The following SYNE1 variants were observed in gnomAD, a reference collection of about 807,000 sequenced individuals.
The protein encoded by SYNE1 is nesprin-1.
Under a neutral mutation model 1,111.0 loss-of-function variants are expected in SYNE1, and 616 were observed. The observed-to-expected ratio is 0.55, with a 90% confidence interval of 0.52 to 0.59. The LOEUF (loss-of-function observed/expected upper bound fraction) is 0.59. Among genes scored for constraint, SYNE1 ranks in the 20% least tolerant of loss-of-function variants. The pLI is 0.00. For missense variants in SYNE1, 10,006 were observed against 10,417.0 expected (o/e 0.96, Z 1.72); for synonymous variants, 3,855 against 3,825.8 (o/e 1.01, Z -0.28).
intron 29 of SYNE1, among the ~76,000 whole-genome samples, chr6:152,446,108 ATT>A (rs11351100): frequency 0.015 from 1,969 of 129,466 alleles, 34 homozygotes; most frequent in African/African-American, 0.05. Flanking sequence ...AAGACAGTCA[ATT>A]TTTTTTTTTT....
chr6:152,548,790 T>A (rs1402506125), intron 3 of SYNE1, among the ~76,000 whole-genome samples: 1 of 152,196 alleles, frequency 6.6e-6, no homozygotes, highest in Non-Finnish European at 1.5e-5. Context: ...GTATGGTGAC[T>A]TTGTCCTTCC....
At chr6:152,186,556 CAAAAAAAAAAAAAAAAAAAAAAAAAA>C (rs59187571) in intron 128 of SYNE1, among the ~76,000 whole-genome samples, 6 of 38,030 alleles carry the variant, frequency 1.6e-4, no homozygotes, top group African/African-American at 4.3e-4. Flanking sequence ...AGCTCTGTGT[CAAAAAAAAAAAAAAAAAAAAAAAAAA>C]AAAAAAAAAA....
chr6:152,217,081 CA>C (rs1256622761), intron 121 of SYNE1, among the ~76,000 whole-genome samples: 2 of 130,116 alleles, frequency 1.5e-5, no homozygotes, highest in Non-Finnish European at 3.2e-5. Flanking sequence ...AAAAAATTCA[CA>C]ACTAAGTAAA....
intron 3 of SYNE1, among the ~76,000 whole-genome samples, chr6:152,595,599 G>A (rs1441961455): frequency 3.9e-5 from 6 of 152,214 alleles, no homozygotes; most frequent in African/African-American, 1.4e-4. Flanking sequence ...TAAAAATGTT[G>A]CCACTAGCTA....
intron 3 of SYNE1, among the ~76,000 whole-genome samples, chr6:152,549,598 G>A (rs2099330203): frequency 6.6e-6 from 1 of 152,148 alleles, no homozygotes; most frequent in African/African-American, 2.4e-5. Context: ...CAAAGAACAA[G>A]GGCAACCAAA....
At chr6:152,552,772 C>T (rs2099351758) in intron 3 of SYNE1, among the ~76,000 whole-genome samples, 1 of 152,168 alleles carries the variant, frequency 6.6e-6, no homozygotes, top group Non-Finnish European at 1.5e-5. Context: ...TAATCCTGCA[C>T]AGAGCACCAG....
chr6:152,235,417 A>G (rs1168739939), intron 110 of SYNE1, among the ~76,000 whole-genome samples: 1 of 152,184 alleles, frequency 6.6e-6, no homozygotes, highest in Non-Finnish European at 1.5e-5. Context: ...GCTGGAGTGC[A>G]ATGGCGCAAT....
chr6:152,618,143 A>C (rs534996854), intron 3 of SYNE1, among the ~76,000 whole-genome samples: 1 of 152,312 alleles, frequency 6.6e-6, no homozygotes, highest in African/African-American at 2.4e-5. Context: ...TTGAATTCCT[A>C]CGTTTCTGGA....
chr6:152,149,127 G>T (rs1475502492), intron 136 of SYNE1, among the ~76,000 whole-genome samples: 1 of 152,126 alleles, frequency 6.6e-6, no homozygotes, highest in Non-Finnish European at 1.5e-5. Context: ...GAGCAGTGCT[G>T]CCCCATGTTT....
chr6:152,339,872 C>T (rs2096493839), intron 74 of SYNE1, among the ~76,000 whole-genome samples: 1 of 152,164 alleles, frequency 6.6e-6, no homozygotes, highest in African/African-American at 2.4e-5. Context: ...AAAGGCTTCT[C>T]CAGGTGGATC....
Position 152,529,237 on chromosome 6 carries a change from T to A in SYNE1, c.130-3062A>T, listed in dbSNP as rs1293384709. ...TAGAAATACCTACTAAATATTGGAA[T>A]TTATATATTGTATGTAGTCTATAGA... On this transcript the variant is annotated intron_variant, in intron 4 of 145. Transcript: ENST00000367255. Among the ~76,000 whole-genome samples, 10 of 152,358 alleles carry A rather than the reference T, an allele frequency of 6.6e-5. No individual in the cohort carries two copies. The South Asian group carries it at 1.4e-3, about 22-fold the overall frequency.
intron 95 of SYNE1, among the ~76,000 whole-genome samples, chr6:152,285,529 T>G (rs2094282278): frequency 6.6e-6 from 1 of 152,064 alleles, no homozygotes; most frequent in Non-Finnish European, 1.5e-5. Context: ...GTCTCACTCT[T>G]CCTGCCTCGT....
intron 122 of SYNE1, among the ~76,000 whole-genome samples, chr6:152,214,328 A>G (rs2078149590): frequency 6.6e-6 from 1 of 152,166 alleles, no homozygotes; most frequent in African/African-American, 2.4e-5. Context: ...TTAAAGTGCT[A>G]TTTAGTACAC....
intron 19 of SYNE1, 25 bp from the exon 20 acceptor site, chr6:152,462,915 C>A (rs1436835874): frequency 1.2e-6 from 2 of 1,613,538 alleles, no homozygotes; most frequent in Non-Finnish European, 1.7e-6. Flanking sequence ...GAGGAGGGAA[C>A]ATCGTGAAAG....
At position 152,498,726 on chromosome 6, in the gene SYNE1, A is replaced by T; in HGVS notation, c.939+16T>A. 1 of 1,540,256 alleles carries T rather than the reference A, an allele frequency of 6.5e-7. No homozygotes were observed. The highest frequency in any genetic ancestry group is 8.9e-7 in the Non-Finnish European group (1 of 1,128,488). ...GTTTGAAAGAGGTCATCAATGCAAG[A>T]TTACTTAAATCTTACCTTAAAATTT... On this transcript the variant is annotated intron_variant, in intron 11 of 145. Transcript: ENST00000367255.
In SYNE1 at chr6:152,281,912, G is replaced by T; in HGVS notation, c.18276C>A (p.Ala6092=). The T allele has an allele frequency of 6.2e-7, 1 of 1,614,096 alleles. No homozygotes were observed. Among genetic ancestry groups the T allele is most frequent in the Non-Finnish European group, 8.5e-7 (1 of 1,180,018 alleles). The stretch of plus-strand genomic sequence containing the variant: ...TCAAGAGCCAGCTGTCCAGCTCATC[G>T]GCTTCACAGCGATACCTCTGCAGGG... ...EQALQRYRCE[A]DELDSWLLST... is the part of the protein sequence containing the mutation. The change falls in exon 97 of 146, where the codon GCC becomes GCA. Residue 6092 remains alanine, a synonymous_variant. Coordinates refer to ENST00000367255, the MANE Select transcript of SYNE1 (RefSeq NM_182961.4).
chr6:152,520,624 A>T, intron 5 of SYNE1, 82 bp from the exon 6 acceptor site: 4 of 1,452,556 alleles, frequency 2.8e-6, no homozygotes, highest in Non-Finnish European at 3.8e-6. Flanking sequence ...TAAATGGATT[A>T]AAAATATACT....
At chr6:152,631,086 GA>G (rs1456186148) in intron 2 of SYNE1, among the ~76,000 whole-genome samples, 6 of 152,180 alleles carry the variant, frequency 3.9e-5, no homozygotes, top group African/African-American at 1.4e-4. Flanking sequence ...ATAAAACATA[GA>G]AAAGATAATA....
At chr6:152,620,748 C>T (rs1018595871) in intron 3 of SYNE1, among the ~76,000 whole-genome samples, 1 of 152,046 alleles carries the variant, frequency 6.6e-6, no homozygotes, top group African/African-American at 2.4e-5. Context: ...TCCCAGCTTC[C>T]CCCATTGAAA....
Sources: gnomAD v4.1 joint callset for allele counts (sites outside exome capture counted in the v4.1 genomes callset) on GRCh38, gnomAD v4.1.1 for gene constraint, MANE v1.5 for transcripts, NCBI Gene and HGNC (gene_info 2026-07-23, HGNC 2026-07-21) for gene names.